Variants in TNFAIP6 observed in about 807,000 individuals in gnomAD.
TNFAIP6 encodes tumor necrosis factor-inducible gene 6 protein.
A neutral mutation model predicts 33.7 loss-of-function variants in TNFAIP6; 36 were observed. The ratio of observed to expected loss-of-function variants is 1.07; its 90% CI spans 0.82 to 1.41. The LOEUF (loss-of-function observed/expected upper bound fraction) is 1.41. Ranked by LOEUF, TNFAIP6 falls within the 40% of genes most tolerant of loss-of-function variation. The pLI is 0.00. For synonymous variants in TNFAIP6, 113 were observed against 112.8 expected, an observed-to-expected ratio of 1.00 and a Z score of -0.01; for missense variants, 273 against 331.9, an observed-to-expected ratio of 0.82 and a Z score of 1.38.
intron 5 of TNFAIP6, among the ~76,000 whole-genome samples, chr2:151,375,465 T>C (rs1368041892): frequency 1.3e-5 from 2 of 152,126 alleles, no homozygotes; most frequent in African/African-American, 4.8e-5. Flanking sequence ...TCCCAGCACA[T>C]TGGGAGGATG....
At chr2:151,377,078 G>C (rs536396986) in intron 5 of TNFAIP6, among the ~76,000 whole-genome samples, 3 of 151,786 alleles carry the variant, frequency 2.0e-5, no homozygotes, top group African/African-American at 4.8e-5. Context: ...AATTCAAGCT[G>C]TCCTCCTGCC....
At chr2:151,369,908 A>T (rs1684783993) in intron 3 of TNFAIP6, 112 bp from the exon 4 acceptor site, 1 of 760,252 alleles carries the variant, frequency 1.3e-6, no homozygotes, top group Non-Finnish European at 2.1e-6. Flanking sequence ...GTATACTAAG[A>T]CATTTAACAT....
intron 1 of TNFAIP6, 125 bp from the exon 2 acceptor site, chr2:151,363,818 A>G (rs111503128): frequency 8.3e-7 from 1 of 1,206,834 alleles, no homozygotes; most frequent in Non-Finnish European, 1.1e-6. Context: ...TACCCAAGGC[A>G]GCCAACCCAG....
In TNFAIP6 at chr2:151,376,213, G is replaced by C. The variant is rs146465142; in HGVS notation, c.664+2624G>C. ...GTTAGCTGAGATGGCTCCACTGCACGCTAGCCTGGGCAACAAAGTAAGATT... is the reference window on the plus strand; with the variant it reads ...GTTAGCTGAGATGGCTCCACTGCACCCTAGCCTGGGCAACAAAGTAAGATT... On this transcript the variant is annotated intron_variant, in intron 5 of 5. Transcript: ENST00000243347. 4.3e-3 allele frequency among the ~76,000 whole-genome samples: 659 copies of C among 151,988 alleles called. 4 individuals are homozygous for C. The highest frequency in any genetic ancestry group is 0.027 in the Middle Eastern group (8 of 294).
Position 151,379,356 on chromosome 2 carries a change from C to G in TNFAIP6, c.665-8C>G. ...ATCTTTGTTCTTTTGCCTCCTTCCCCGCAACAGGAAATGTCATGACCTTGA... is the reference window on the plus strand; with the variant it reads ...ATCTTTGTTCTTTTGCCTCCTTCCCGGCAACAGGAAATGTCATGACCTTGA... On this transcript the variant is annotated splice_region_variant and splice_polypyrimidine_tract_variant and intron_variant, in intron 5 of 5. Transcript: ENST00000243347. 6.3e-7 allele frequency: 1 copy of G among 1,575,084 alleles called. No individual in the cohort carries two copies. Among genetic ancestry groups the G allele is most frequent in the South Asian group, 1.2e-5 (1 of 84,244 alleles).
intron 3 of TNFAIP6, 74 bp downstream of exon 3, chr2:151,366,291 G>C (rs1422131655): frequency 7.4e-7 from 1 of 1,354,062 alleles, no homozygotes; most frequent in Admixed American, 2.3e-5. Context: ...AAAAAGAAAT[G>C]GCTACTTTTT....
chr2:151,379,314 A>C (rs1050868281), intron 5 of TNFAIP6, 50 bp from the exon 6 acceptor site: 2 of 1,518,086 alleles, frequency 1.3e-6, no homozygotes, highest in Admixed American at 2.3e-5. Context: ...TTGTCAGCCA[A>C]ATCAAAGGAG....
At chr2:151,364,896 G>A (rs796719445) in intron 2 of TNFAIP6, among the ~76,000 whole-genome samples, 2 of 152,162 alleles carry the variant, frequency 1.3e-5, no homozygotes, top group Admixed American at 6.5e-5. Flanking sequence ...TGGAGTGGAA[G>A]AGACAAAGCC....
intron 1 of TNFAIP6, among the ~76,000 whole-genome samples, chr2:151,358,218 G>GT (rs1236398732): frequency 1.3e-5 from 2 of 152,202 alleles, no homozygotes; most frequent in South Asian, 2.1e-4. Flanking sequence ...CTATATCTTA[G>GT]TTTTTTCAAA....
chr2:151,377,153 ATTTTC>A (rs746527797), intron 5 of TNFAIP6, among the ~76,000 whole-genome samples: 38 of 141,058 alleles, frequency 2.7e-4, no homozygotes, highest in South Asian at 1.1e-3. Context: ...CCCAATTTAC[ATTTTC>A]TTTTCTTTTC....
At chr2:151,371,399 T>C (rs1684812943) in intron 4 of TNFAIP6, among the ~76,000 whole-genome samples, 1 of 152,192 alleles carries the variant, frequency 6.6e-6, no homozygotes, top group Admixed American at 6.5e-5. Flanking sequence ...TTCTCTATTA[T>C]ACATGATAGT....
intron 2 of TNFAIP6, 79 bp from the exon 3 acceptor site, chr2:151,365,977 T>C (rs1684701747): frequency 2.9e-6 from 4 of 1,364,846 alleles, no homozygotes; most frequent in Non-Finnish European, 4.1e-6. Context: ...CTATTGGAAG[T>C]GGCTATCTTT....
At chr2:151,360,831 C>T (rs1684613654) in intron 1 of TNFAIP6, among the ~76,000 whole-genome samples, 1 of 151,786 alleles carries the variant, frequency 6.6e-6, no homozygotes, top group Admixed American at 6.6e-5. Flanking sequence ...CAGTAGGTAC[C>T]AAAAGTTTAA....
intron 1 of TNFAIP6, among the ~76,000 whole-genome samples, chr2:151,362,636 G>A (rs1411094375): frequency 1.2e-4 from 18 of 151,648 alleles, no homozygotes; most frequent in Non-Finnish European, 2.5e-4. Flanking sequence ...GACTACAGGT[G>A]CCTGCCACCA....
At chr2:151,378,508 G>A (rs1684956727) in intron 5 of TNFAIP6, among the ~76,000 whole-genome samples, 1 of 147,644 alleles carries the variant, frequency 6.8e-6, no homozygotes, top group Non-Finnish European at 1.5e-5. Flanking sequence ...TTTTTTTTGA[G>A]ACGGAGTTTT....
intron 1 of TNFAIP6, among the ~76,000 whole-genome samples, 178 bp downstream of exon 1, chr2:151,357,938 C>T (rs1211858612): frequency 1.3e-5 from 2 of 151,304 alleles, no homozygotes; most frequent in Non-Finnish European, 2.9e-5. Context: ...CGTTCTTGTC[C>T]TCTAAAATTT....
intron 4 of TNFAIP6, 123 bp downstream of exon 4, chr2:151,370,371 A>G (rs571278023): frequency 1.6e-4 from 117 of 721,352 alleles, no homozygotes; most frequent in Middle Eastern, 1.0e-3. Context: ...CTCCTAAAGC[A>G]CCATATCATT....
intron 4 of TNFAIP6, among the ~76,000 whole-genome samples, chr2:151,371,042 G>C (rs1684808302): frequency 1.3e-5 from 2 of 151,844 alleles, no homozygotes; most frequent in South Asian, 4.2e-4. Flanking sequence ...CTGCACTCTA[G>C]CCTGGGTGAC....
intron 1 of TNFAIP6, among the ~76,000 whole-genome samples, chr2:151,361,854 G>A (rs1684629183): frequency 6.6e-6 from 1 of 152,314 alleles, no homozygotes; most frequent in Non-Finnish European, 1.5e-5. Flanking sequence ...CTCTGACCTC[G>A]AGCATCAGAT....
Sources: gnomAD v4.1 joint callset for allele counts (sites outside exome capture counted in the v4.1 genomes callset) on GRCh38, gnomAD v4.1.1 for gene constraint, MANE v1.5 for transcripts, NCBI Gene and HGNC (gene_info 2026-07-23, HGNC 2026-07-21) for gene names.